Variants in COMMD10 observed in about 807,000 individuals in gnomAD.
COMMD10 encodes the protein COMM domain-containing protein 10.
In COMMD10, 33 loss-of-function variants were observed where a neutral mutation model predicts 28.9. The ratio of observed to expected loss-of-function variants is 1.14; its 90% CI spans 0.87 to 1.53. The LOEUF (loss-of-function observed/expected upper bound fraction) is 1.53, where lower values mean the gene tolerates loss of function less well. Among genes scored for constraint, COMMD10 ranks in the 40% most tolerant of loss-of-function variants. The pLI is 0.00. For missense variants in COMMD10, 310 were observed against 233.4 expected (o/e 1.33, Z -2.14); for synonymous variants, 110 against 81.7 (o/e 1.35, Z -1.87).
At chr5:116,209,549 GT>G (rs1181292103) in intron 5 of COMMD10, among the ~76,000 whole-genome samples, 9 of 152,070 alleles carry the variant, frequency 5.9e-5, no homozygotes, top group African/African-American at 2.2e-4. Flanking sequence ...GGACGTATTT[GT>G]TTATTCATAT....
chr5:116,211,216 C>G (rs776553283), intron 5 of COMMD10, among the ~76,000 whole-genome samples: 1 of 152,028 alleles, frequency 6.6e-6, no homozygotes, highest in Non-Finnish European at 1.5e-5. Flanking sequence ...CACTTAATGA[C>G]AGGGATACAT....
At chr5:116,191,504 C>T (rs1005309901) in intron 5 of COMMD10, among the ~76,000 whole-genome samples, 1 of 151,686 alleles carries the variant, frequency 6.6e-6, no homozygotes, top group African/African-American at 2.4e-5. Context: ...CTGGGTGACG[C>T]CTGTGACTGC....
intron 5 of COMMD10, among the ~76,000 whole-genome samples, chr5:116,273,259 G>A (rs1430069669): frequency 2.6e-5 from 4 of 151,700 alleles, no homozygotes; most frequent in Non-Finnish European, 4.4e-5. Flanking sequence ...TTCATAATAT[G>A]CATTTTTCAT....
At chr5:116,147,277 G>A (rs1561630121) in intron 5 of COMMD10, among the ~76,000 whole-genome samples, 1 of 151,826 alleles carries the variant, frequency 6.6e-6, no homozygotes, top group African/African-American at 2.4e-5. Context: ...CGTAACTAGG[G>A]TCATTGATGA....
At chr5:116,130,005 A>G (rs77268140) in intron 4 of COMMD10, among the ~76,000 whole-genome samples, 8,134 of 151,026 alleles carry the variant, frequency 0.054, 308 homozygotes, top group African/African-American at 0.11. Flanking sequence ...CAGCAATTTT[A>G]TTTACTTTTT....
chr5:116,131,648 A>G (rs1177598710), intron 4 of COMMD10, among the ~76,000 whole-genome samples: 1 of 152,010 alleles, frequency 6.6e-6, no homozygotes, highest in Non-Finnish European at 1.5e-5. Context: ...GTTGTAGGTC[A>G]CAAGGATATA....
chr5:116,150,302 C>G (rs1275493765), intron 5 of COMMD10, among the ~76,000 whole-genome samples: 1 of 152,074 alleles, frequency 6.6e-6, no homozygotes, highest in Admixed American at 6.6e-5. Flanking sequence ...ATGCCTCCAG[C>G]TTTTTTCTTT....
In COMMD10 at chr5:116,292,665, G is replaced by C. The variant is rs1459152439; in HGVS notation, c.*176G>C. On this transcript the variant is annotated 3_prime_UTR_variant, in exon 7 of 7. Coordinates refer to ENST00000274458, the MANE Select transcript of COMMD10 (RefSeq NM_016144.4). ...TAGAGATCATTGTTAAGAATACTGA[G>C]GTTCTAATATACTTTCTTTAGTTCT... 8 of 442,414 alleles carry C rather than the reference G, an allele frequency of 1.8e-5. No individual in the cohort carries two copies. The highest frequency in any genetic ancestry group is 8.0e-6 in the Non-Finnish European group (2 of 249,528). The allele number at this position is 442,414 out of a possible 1,614,324, so 27.4% of individuals were successfully genotyped here.
rs143170371 is a variant in COMMD10, at chr5:116,095,467, G to C, written c.399+2767G>C. Among the ~76,000 whole-genome samples, 322 of 152,240 alleles carry C rather than the reference G, an allele frequency of 2.1e-3. 1 individual carries two copies. Among genetic ancestry groups the C allele is most frequent in the African/African-American group, 7.5e-3 (310 of 41,570 alleles). On this transcript the variant is annotated intron_variant, in intron 4 of 6. Coordinates refer to ENST00000274458, the MANE Select transcript of COMMD10 (RefSeq NM_016144.4). ...GTGAATTATTGTATTTTAACTTAAC[G>C]ATAGATTAATTGAGGCATAAGCCCA...
Position 116,138,025 on chromosome 5 carries a change from G to A in COMMD10, c.510+3847G>A, listed in dbSNP as rs748860465. 5.3e-4 allele frequency among the ~76,000 whole-genome samples: 81 copies of A among 151,958 alleles called. 3 individuals are homozygous for A. The highest frequency in any genetic ancestry group is 3.4e-3 in the Middle Eastern group (1 of 294). On this transcript the variant is annotated intron_variant, in intron 5 of 6. Coordinates refer to ENST00000274458, the MANE Select transcript of COMMD10 (RefSeq NM_016144.4). ...TACCTAGCCTTTTCTGGCATTCACAGTGTTATTTGAAATAACATTCAAAAT... is the reference window on the plus strand; with the variant it reads ...TACCTAGCCTTTTCTGGCATTCACAATGTTATTTGAAATAACATTCAAAAT...
intron 5 of COMMD10, among the ~76,000 whole-genome samples, chr5:116,169,454 A>G (rs1213428932): frequency 6.6e-6 from 1 of 152,214 alleles, no homozygotes; most frequent in African/African-American, 2.4e-5. Context: ...TATTCTGAAC[A>G]ATAGAAAAAG....
chr5:116,178,834 C>T (rs1017917128), intron 5 of COMMD10, among the ~76,000 whole-genome samples: 3 of 152,026 alleles, frequency 2.0e-5, no homozygotes, highest in Non-Finnish European at 4.4e-5. Flanking sequence ...TGCAGATGGC[C>T]ACTAGAATGT....
intron 4 of COMMD10, among the ~76,000 whole-genome samples, chr5:116,102,515 C>T (rs1478857261): frequency 6.6e-6 from 1 of 152,006 alleles, no homozygotes; most frequent in African/African-American, 2.4e-5. Flanking sequence ...GTTCTTTTTG[C>T]TTAGGACTGC....
chr5:116,087,702 A>G (rs1185295892), intron 2 of COMMD10, 115 bp downstream of exon 2: 1 of 680,186 alleles, frequency 1.5e-6, no homozygotes, highest in East Asian at 2.7e-5. Flanking sequence ...TCTTAGAGAC[A>G]CTGGTTCTGT....
intron 5 of COMMD10, among the ~76,000 whole-genome samples, chr5:116,172,505 A>G (rs1753368244): frequency 6.6e-6 from 1 of 152,178 alleles, no homozygotes. Context: ...AATCTGGAGC[A>G]TTTGCTCAGA....
chr5:116,291,329 C>T (rs1384415504), intron 5 of COMMD10, among the ~76,000 whole-genome samples, 188 bp from the exon 6 acceptor site: 1 of 152,106 alleles, frequency 6.6e-6, no homozygotes, highest in East Asian at 1.9e-4. Context: ...GAATTGAAAC[C>T]TTTTGCTAGA....
At chr5:116,166,153 T>G (rs1398861773) in intron 5 of COMMD10, among the ~76,000 whole-genome samples, 3 of 49,872 alleles carry the variant, frequency 6.0e-5, no homozygotes, top group African/African-American at 2.5e-4. Flanking sequence ...CATTTCTCTG[T>G]CAAATGGCGA....
chr5:116,291,719 G>A, intron 6 of COMMD10, 143 bp downstream of exon 6: 1 of 525,034 alleles, frequency 1.9e-6, no homozygotes, highest in Non-Finnish European at 3.3e-6. Context: ...ATGTTTCACA[G>A]GAGGAAGTAT....
intron 4 of COMMD10, among the ~76,000 whole-genome samples, chr5:116,127,148 T>C (rs1454591423): frequency 8.5e-5 from 13 of 152,198 alleles, no homozygotes; most frequent in African/African-American, 3.1e-4. Context: ...AAGAAGACAT[T>C]TATGCAGCCA....
Sources: gnomAD v4.1 joint callset for allele counts (sites outside exome capture counted in the v4.1 genomes callset) on GRCh38, gnomAD v4.1.1 for gene constraint, MANE v1.5 for transcripts, NCBI Gene and HGNC (gene_info 2026-07-23, HGNC 2026-07-21) for gene names.